The following CCDC171 variants were observed in gnomAD, a reference collection of about 807,000 sequenced individuals.
The protein encoded by CCDC171 is coiled-coil domain containing 171.
CCDC171 carries 177 observed loss-of-function variants against 168.2 expected under a neutral mutation model. The ratio of observed to expected loss-of-function variants is 1.05; its 90% confidence interval spans 0.93 to 1.19. The LOEUF (loss-of-function observed/expected upper bound fraction) is 1.19, where lower values mean the gene tolerates loss of function less well. CCDC171 is among the 50% of genes most tolerant of loss of function. The pLI is 0.00. For missense variants in CCDC171, 1,991 were observed against 1,539.0 expected (o/e 1.29, Z -4.91); for synonymous variants, 687 against 540.8 (o/e 1.27, Z -3.75).
intron 24 of CCDC171, among the ~76,000 whole-genome samples, chr9:15,877,095 T>C (rs987048819): frequency 6.6e-6 from 1 of 152,172 alleles, no homozygotes; most frequent in African/African-American, 2.4e-5. Flanking sequence ...TGGAAGAGCA[T>C]GTGACTGATG....
intron 25 of CCDC171, among the ~76,000 whole-genome samples, chr9:15,923,672 T>C (rs1442005229): frequency 1.3e-5 from 2 of 151,492 alleles, no homozygotes; most frequent in East Asian, 3.9e-4. Flanking sequence ...ACGATACCTA[T>C]GTGAGGTATT....
chr9:15,740,142 T>C (rs1356436634), intron 16 of CCDC171, among the ~76,000 whole-genome samples: 2 of 152,232 alleles, frequency 1.3e-5, no homozygotes, highest in East Asian at 3.8e-4. Flanking sequence ...GTAATTTGCC[T>C]GTATTTTCTT....
At position 15,732,019 on chromosome 9, in the gene CCDC171, T is replaced by C. The variant is rs1309167634; in HGVS notation, c.2049+2221T>C. ...TTTGTAAAGTATCTCTTCTACTGTT[T>C]TCTCATTTAAAAAATAGAGATATTT... On this transcript the variant is annotated intron_variant, in intron 16 of 25. Transcript: ENST00000380701. Among the ~76,000 whole-genome samples, 5 of 152,094 alleles carry C rather than the reference T, an allele frequency of 3.3e-5. No individual in the cohort carries two copies. The East Asian group carries it at 7.7e-4, about 23-fold the overall frequency.
intron 21 of CCDC171, among the ~76,000 whole-genome samples, chr9:15,842,140 T>C (rs867169258): frequency 5.9e-5 from 9 of 152,076 alleles, no homozygotes; most frequent in Admixed American, 1.3e-4. Flanking sequence ...CCTTTCATTT[T>C]GTATGACTAA....
At chr9:15,827,206 C>A (rs968595451) in intron 21 of CCDC171, among the ~76,000 whole-genome samples, 1 of 152,078 alleles carries the variant, frequency 6.6e-6, no homozygotes, top group Non-Finnish European at 1.5e-5. Flanking sequence ...GAAATAAATA[C>A]CTTCTTTTTT....
intron 9 of CCDC171, among the ~76,000 whole-genome samples, chr9:15,671,966 A>G (rs182633625): frequency 7.9e-5 from 12 of 152,240 alleles, no homozygotes; most frequent in African/African-American, 2.2e-4. Flanking sequence ...TACACTCCCA[A>G]CAGTGTCAAA....
intron 18 of CCDC171, among the ~76,000 whole-genome samples, chr9:15,754,506 C>G (rs2055971590): frequency 6.6e-6 from 1 of 152,208 alleles, no homozygotes; most frequent in East Asian, 1.9e-4. Context: ...TAGAGTATAA[C>G]ATAAATGAGC....
intron 11 of CCDC171, among the ~76,000 whole-genome samples, chr9:15,696,832 C>CT (rs1292839805): frequency 1.3e-5 from 2 of 151,996 alleles, no homozygotes; most frequent in African/African-American, 4.8e-5. Context: ...ATTAACCATC[C>CT]TTTTTTATCT....
intron 18 of CCDC171, among the ~76,000 whole-genome samples, chr9:15,776,966 A>C (rs2057359966): frequency 6.6e-6 from 1 of 152,244 alleles, no homozygotes; most frequent in Non-Finnish European, 1.5e-5. Context: ...ACTAAATTAC[A>C]TGGCTTTATT....
chr9:15,794,174 A>C (rs925483341), intron 21 of CCDC171, among the ~76,000 whole-genome samples: 3 of 152,164 alleles, frequency 2.0e-5, no homozygotes, highest in African/African-American at 7.2e-5. Flanking sequence ...GCATAAATTA[A>C]AAATCATGGA....
chr9:15,683,290 C>A (rs1222557423), intron 10 of CCDC171, among the ~76,000 whole-genome samples: 1 of 151,912 alleles, frequency 6.6e-6, no homozygotes, highest in Admixed American at 6.6e-5. Flanking sequence ...TGATTGCTAG[C>A]ATTAAATATG....
At chr9:15,772,821 G>T (rs1007180923) in intron 18 of CCDC171, among the ~76,000 whole-genome samples, 5 of 152,096 alleles carry the variant, frequency 3.3e-5, no homozygotes, top group African/African-American at 1.2e-4. Context: ...CTTAGATATG[G>T]CCATGACTAC....
intron 10 of CCDC171, among the ~76,000 whole-genome samples, chr9:15,693,473 CAAA>C (rs59900551): frequency 2.3e-4 from 32 of 141,296 alleles, no homozygotes; most frequent in Admixed American, 7.6e-4. Flanking sequence ...CTGGTGAGGA[CAAA>C]AAAAAAAAAC....
intron 3 of CCDC171, among the ~76,000 whole-genome samples, chr9:15,989,589 C>T (rs917743125): frequency 7.9e-5 from 12 of 152,006 alleles, no homozygotes; most frequent in African/African-American, 2.4e-4. Flanking sequence ...ATGACTTTGA[C>T]GAGTTGAGAG....
chr9:15,645,483 A>C (rs2046965873), intron 7 of CCDC171, among the ~76,000 whole-genome samples: 1 of 152,190 alleles, frequency 6.6e-6, no homozygotes. Flanking sequence ...CATTGTGAAG[A>C]AGCTAAAAAT....
intron 12 of CCDC171, among the ~76,000 whole-genome samples, chr9:15,723,045 C>T (rs1458383520): frequency 3.3e-5 from 5 of 152,272 alleles, no homozygotes; most frequent in South Asian, 2.1e-4. Flanking sequence ...CTTAGTAATG[C>T]GCTTTGTTGT....
chr9:15,976,350 G>A (rs963966573), downstream of CCDC171, among the ~76,000 whole-genome samples: 14 of 151,550 alleles, frequency 9.2e-5, no homozygotes, highest in African/African-American at 2.9e-4. Flanking sequence ...AATTCTTTTC[G>A]GTTTCCATTT....
chr9:16,003,662 T>C (rs1427385883), intron 3 of CCDC171, among the ~76,000 whole-genome samples: 1 of 152,218 alleles, frequency 6.6e-6, no homozygotes, highest in Non-Finnish European at 1.5e-5. Flanking sequence ...TTCCGTGTCA[T>C]TATTTGACAA....
intron 25 of CCDC171, among the ~76,000 whole-genome samples, chr9:15,938,838 T>C (rs1319313987): frequency 6.6e-6 from 1 of 151,896 alleles, no homozygotes; most frequent in Non-Finnish European, 1.5e-5. Flanking sequence ...TTTTCTAGTC[T>C]CTACCACTTT....
Sources: allele counts gnomAD v4.1 joint callset (sites outside exome capture counted in the v4.1 genomes callset), GRCh38; gene constraint gnomAD v4.1.1; transcripts MANE v1.5; gene names NCBI Gene and HGNC (gene_info 2026-07-23, HGNC 2026-07-21).